The following RAD9A variants were observed in gnomAD, a reference collection of about 807,000 sequenced individuals.
The protein encoded by RAD9A is RAD9 checkpoint clamp component A, also known as cell cycle checkpoint control protein RAD9A.
RAD9A carries 25 observed loss-of-function variants against 41.2 expected under a neutral mutation model. The ratio of observed to expected loss-of-function variants is 0.61; its 90% CI spans 0.44 to 0.85. RAD9A has a LOEUF of 0.85. Ranked by LOEUF, RAD9A falls within the 40% of genes least tolerant of loss-of-function variation. The pLI is 0.00. For synonymous variants in RAD9A, 252 were observed against 210.6 expected, an observed-to-expected ratio of 1.20 and a Z score of -1.70; for missense variants, 514 against 518.3, an observed-to-expected ratio of 0.99 and a Z score of 0.08.
rs926745098 is a variant in RAD9A at position 67,392,369 on chromosome 11, T to C, written c.105+138T>C. 5 of 909,978 alleles carry C rather than the reference T, an allele frequency of 5.5e-6. No individual in the cohort carries two copies. In the African/African-American group the frequency reaches 6.7e-5, roughly 12 times the overall value. The allele number at this position is 909,978 out of a possible 1,614,324, so 56.4% of individuals were successfully genotyped here. ...TTTCAGTTTCTTAGTCTGGCGGCTG[T>C]CATCTTCCCAGGCCGGTGTGTGAAT... On this transcript the variant is annotated intron_variant, in intron 2 of 10. Coordinates refer to ENST00000307980, the MANE Select transcript of RAD9A (RefSeq NM_004584.3).
At position 67,392,664 on chromosome 11, in the gene RAD9A, G is replaced by A. The variant is rs150663760; in HGVS notation, c.116G>A (p.Arg39Gln). The A allele has an allele frequency of 2.0e-5, 32 of 1,613,758 alleles. 1 individual carries two copies. In the African/African-American group the frequency reaches 2.8e-4, roughly 14 times the overall value. ...LEPLEDGLSL[R>Q]TVNSSRSAYA... ...CTCTTCGTGGCCCAGCTCTCCCTCCGGACGGTGAACTCCTCCCGCTCTGCC... is the reference window on the plus strand; with the variant it reads ...CTCTTCGTGGCCCAGCTCTCCCTCCAGACGGTGAACTCCTCCCGCTCTGCC... The change falls in exon 3 of 11, where the codon CGG becomes CAG. Residue 39 changes from arginine to glutamine, a missense_variant. Arg to Gln is a conservative substitution (Grantham distance 43). Coordinates refer to ENST00000307980, the MANE Select transcript of RAD9A (RefSeq NM_004584.3).
In RAD9A at chr11:67,395,722, G is replaced by C; in HGVS notation, c.456G>C (p.Leu152=). 2 of 1,602,594 alleles carry C rather than the reference G, an allele frequency of 1.2e-6. No individual in the cohort carries two copies. The highest frequency in any genetic ancestry group is 1.7e-6 in the Non-Finnish European group (2 of 1,174,258). ...PHMLRAPARV[L]GEAVLPFSPA... ...TGCTCCACCCTGTTCACAGGGTTCT[G>C]GGGGAGGCTGTTCTGCCCTTCTCTC... Residue 152 remains leucine (L), a synonymous_variant, in exon 6 of 11, where the codon CTG becomes CTC. Transcript: ENST00000307980.
intron 5 of RAD9A, 80 bp downstream of exon 5, chr11:67,393,870 G>A: frequency 8.7e-7 from 1 of 1,152,034 alleles, no homozygotes; most frequent in East Asian, 2.6e-5. Context: ...ATTTTAGAAG[G>A]TACCTCTTTC....
rs906476959 is a variant in RAD9A at position 67,392,852 on chromosome 11, G to A, written c.234+70G>A. On this transcript the variant is annotated intron_variant, in intron 3 of 10. Coordinates refer to ENST00000307980, the MANE Select transcript of RAD9A (RefSeq NM_004584.3). ...CTCCACCAGCTGTGCCTCTGCCCTG[G>A]GGTACTCAGTAGATGCTAAGTGGGG... 1.9e-6 allele frequency: 3 copies of A among 1,568,168 alleles called. No individual in the cohort carries two copies. The African/African-American group carries it at 4.1e-5, about 21-fold the overall frequency.
At chr11:67,392,262 G>GGGGGGGGGGGGGGGGGC in intron 2 of RAD9A, 31 bp downstream of exon 2, 1 of 600,780 alleles carries the variant, frequency 1.7e-6, no homozygotes, top group Non-Finnish European at 3.0e-6. Flanking sequence ...GGGCGGGTGG[G>GGGGGGGGGGGGGGGGGC]ACTCCAGCCG....
rs144985781 is a variant in RAD9A, at chr11:67,397,688, C to G, written c.*129C>G. 7.2e-4 allele frequency: 613 copies of G among 846,788 alleles called. 3 individuals are homozygous for G. In the African/African-American group the frequency reaches 9.2e-3, roughly 13 times the overall value. 52.5% of individuals were successfully genotyped at this position (846,788 alleles called of 1,614,324 possible). ...CTGGAGCTGAGCTGTTTCACTGCCT[C>G]TCGCAGGCCCCAGCTGGCTGTCACT... is the stretch of plus-strand genomic sequence containing the variant. On this transcript the variant is annotated 3_prime_UTR_variant, in exon 11 of 11. Transcript: ENST00000307980.
intron 2 of RAD9A, 28 bp downstream of exon 2, chr11:67,392,259 T>TGGGGGCCTGGGGTGGGGGGGGGGGGG: frequency 2.1e-6 from 1 of 484,302 alleles, no homozygotes; most frequent in Non-Finnish European, 4.1e-6. Context: ...GGGGGGCGGG[T>TGGGGGCCTGGGGTGGGGGGGGGGGGG]GGGACTCCAG....
intron 5 of RAD9A, among the ~76,000 whole-genome samples, chr11:67,394,688 TCAC>T: frequency 6.6e-6 from 1 of 151,744 alleles, no homozygotes; most frequent in Admixed American, 6.6e-5. Flanking sequence ...CGATCTCGGC[TCAC>T]CACAACCTCC....
intron 5 of RAD9A, 146 bp downstream of exon 5, chr11:67,393,936 C>A: frequency 1.4e-6 from 1 of 723,934 alleles, no homozygotes; most frequent in Non-Finnish European, 2.2e-6. Context: ...CCGCTATGTG[C>A]TCAGGTCCTT....
In RAD9A at chr11:67,397,769, C is replaced by T. The variant is rs1862759042; in HGVS notation, c.*210C>T. On this transcript the variant is annotated 3_prime_UTR_variant, in exon 11 of 11. Transcript: ENST00000307980. The stretch of plus-strand genomic sequence containing the variant: ...GCCGTTATCTCCCCACAACCCCCAG[C>T]CAATCAGGACTTTCCAGACTTGGCC... 3 of 573,440 alleles carry T rather than the reference C, an allele frequency of 5.2e-6. No individual in the cohort carries two copies. Among genetic ancestry groups the T allele is most frequent in the Admixed American group, 3.2e-5 (1 of 30,992 alleles). 35.5% of individuals were successfully genotyped at this position (573,440 alleles called of 1,614,324 possible).
At chr11:67,393,381 G>T in intron 3 of RAD9A, 115 bp from the exon 4 acceptor site, 1 of 1,481,354 alleles carries the variant, frequency 6.8e-7, no homozygotes, top group South Asian at 1.4e-5. Context: ...GAGGTGACGT[G>T]GGAGCCCTTT....
chr11:67,396,569 G>T (rs2134960983), intron 9 of RAD9A, among the ~76,000 whole-genome samples, 169 bp downstream of exon 9: 1 of 152,284 alleles, frequency 6.6e-6, no homozygotes, highest in East Asian at 1.9e-4. Context: ...CAGCCCTGCA[G>T]ACTCAGCCTT....
At chr11:67,392,970 A>C in intron 3 of RAD9A, 188 bp downstream of exon 3, 1 of 888,128 alleles carries the variant, frequency 1.1e-6, no homozygotes, top group Non-Finnish European at 1.6e-6. Context: ...GTGACGCTCA[A>C]GTTCGTCAAG....
chr11:67,393,329 T>C, intron 3 of RAD9A, 167 bp from the exon 4 acceptor site: 1 of 1,329,586 alleles, frequency 7.5e-7, no homozygotes, highest in Non-Finnish European at 9.6e-7. Flanking sequence ...ATTCCAAGCA[T>C]AAGGAAGAGC....
intron 5 of RAD9A, 195 bp from the exon 6 acceptor site, chr11:67,395,521 T>G (rs1862657666): frequency 3.4e-6 from 2 of 584,814 alleles, no homozygotes. Flanking sequence ...GTCTGCATGG[T>G]CAGGTGCCGC....
chr11:67,398,255 C>T lies in RAD9A; in HGVS notation c.*696C>T. The T allele has an allele frequency of 2.1e-6, 1 of 475,146 alleles. No homozygotes were observed. Among genetic ancestry groups the T allele is most frequent in the Non-Finnish European group, 3.8e-6 (1 of 266,224 alleles). 29.4% of individuals were successfully genotyped at this position (475,146 alleles called of 1,614,324 possible). ...AGGATCCGGCTGCCAGCCCTGAGGC[C>T]AAGCACGGCTGGAGACCCACGACCT... On this transcript the variant is annotated 3_prime_UTR_variant, in exon 11 of 11. Coordinates refer to ENST00000307980, the MANE Select transcript of RAD9A (RefSeq NM_004584.3).
rs1213622778 is a variant in RAD9A at position 67,392,353 on chromosome 11, C to T, written c.105+122C>T. 16 of 975,388 alleles carry T rather than the reference C, an allele frequency of 1.6e-5. No individual in the cohort carries two copies. In the East Asian group the frequency reaches 4.0e-4, roughly 24 times the overall value. The allele number at this position is 975,388 out of a possible 1,614,324, so 60.4% of individuals were successfully genotyped here. ...AGATTTGTCGGCAAAGTTTCAGTTT[C>T]TTAGTCTGGCGGCTGTCATCTTCCC... On this transcript the variant is annotated intron_variant, in intron 2 of 10. Transcript: ENST00000307980.
chr11:67,395,639 C>T (rs1590930582), intron 5 of RAD9A, 77 bp from the exon 6 acceptor site: 3 of 1,147,490 alleles, frequency 2.6e-6, no homozygotes, highest in Non-Finnish European at 3.8e-6. Context: ...GCATGTGTCA[C>T]CCCCACCTCA....
chr11:67,394,981 C>G (rs938896196), intron 5 of RAD9A, among the ~76,000 whole-genome samples: 1 of 151,514 alleles, frequency 6.6e-6, no homozygotes, highest in African/African-American at 2.4e-5. Flanking sequence ...GCTCTGTCAC[C>G]CAGGCTGGAG....
Sources: allele counts gnomAD v4.1 joint callset (sites outside exome capture counted in the v4.1 genomes callset), GRCh38; gene constraint gnomAD v4.1.1; transcripts MANE v1.5; gene names NCBI Gene and HGNC (gene_info 2026-07-23, HGNC 2026-07-21).